Variants in THSD7A observed in about 807,000 individuals in gnomAD.
The protein encoded by THSD7A is thrombospondin type-1 domain-containing protein 7A.
THSD7A carries 96 observed loss-of-function variants against 231.3 expected under a neutral mutation model. The observed-to-expected ratio is 0.41, with a 90% confidence interval of 0.35 to 0.49. The LOEUF is 0.49. Among genes scored for constraint, THSD7A ranks in the 20% least tolerant of loss-of-function variants. THSD7A has a pLI of 0.05. For synonymous variants in THSD7A, 940 were observed against 743.3 expected (o/e 1.26, Z -4.30); for missense variants, 2,290 against 2,070.2 (o/e 1.11, Z -2.06).
intron 1 of THSD7A, among the ~76,000 whole-genome samples, chr7:11,641,670 C>G (rs1375612917): frequency 6.6e-6 from 1 of 150,466 alleles, no homozygotes; most frequent in South Asian, 2.1e-4. Context: ...AAAAGATCTA[C>G]TGAGGCTAAA....
chr7:11,707,833 T>C (rs1780820091), intron 1 of THSD7A, among the ~76,000 whole-genome samples: 1 of 150,982 alleles, frequency 6.6e-6, no homozygotes, highest in East Asian at 2.0e-4. Flanking sequence ...AAGAAGCTTA[T>C]ACAAACAAAC....
chr7:11,470,649 A>G (rs969023352), intron 8 of THSD7A, among the ~76,000 whole-genome samples: 1 of 151,650 alleles, frequency 6.6e-6, no homozygotes, highest in African/African-American at 2.4e-5. Flanking sequence ...CCTAGTTTTA[A>G]ATGATGGGAT....
At chr7:11,433,454 C>T (rs1784539854) in intron 13 of THSD7A, among the ~76,000 whole-genome samples, 1 of 151,990 alleles carries the variant, frequency 6.6e-6, no homozygotes, top group South Asian at 2.1e-4. Flanking sequence ...ATTTCCAAAT[C>T]AATGGCATTA....
Position 11,495,110 on chromosome 7 carries a change from T to C in THSD7A, c.1823-13128A>G, listed in dbSNP as rs114139574. On this transcript the variant is annotated intron_variant, in intron 6 of 27. Transcript: ENST00000423059. ...ACTTGACCTTTGATGCATTTCTTTT[T>C]TCAAACTTGTAGCTTGCTAAATTGC... Among the ~76,000 whole-genome samples the C allele has an allele frequency of 6.0e-3, 908 of 152,214 alleles. 8 individuals are homozygous for C. Among genetic ancestry groups the C allele is most frequent in the African/African-American group, 0.021 (869 of 41,568 alleles).
chr7:11,465,573 C>T (rs11979605), intron 9 of THSD7A, among the ~76,000 whole-genome samples: 15,786 of 151,418 alleles, frequency 0.1, 1,004 homozygotes, highest in African/African-American at 0.17. Flanking sequence ...GCAGGCAAAA[C>T]TGATTCATTA....
chr7:11,828,072 G>A (rs947503218), intron 1 of THSD7A, among the ~76,000 whole-genome samples: 7 of 152,096 alleles, frequency 4.6e-5, no homozygotes, highest in African/African-American at 9.7e-5. Context: ...AACGACTCAC[G>A]TCACTGGCCT....
At chr7:11,651,670 C>A (rs989634893) in intron 1 of THSD7A, among the ~76,000 whole-genome samples, 6 of 151,794 alleles carry the variant, frequency 4.0e-5, no homozygotes, top group African/African-American at 1.5e-4. Flanking sequence ...CTTTTAAACC[C>A]CTTAGACCTA....
At chr7:11,596,424 G>T (rs1780359191) in intron 2 of THSD7A, among the ~76,000 whole-genome samples, 1 of 152,032 alleles carries the variant, frequency 6.6e-6, no homozygotes, top group Non-Finnish European at 1.5e-5. Context: ...TGGTTCCCGG[G>T]ATTCATCCTG....
At chr7:11,468,240 G>C (rs973272096) in intron 9 of THSD7A, among the ~76,000 whole-genome samples, 4 of 151,988 alleles carry the variant, frequency 2.6e-5, no homozygotes, top group Non-Finnish European at 5.9e-5. Flanking sequence ...AACAAAATTT[G>C]TAAGTGTATT....
intron 1 of THSD7A, among the ~76,000 whole-genome samples, chr7:11,759,211 A>T (rs935796225): frequency 1.2e-4 from 18 of 152,234 alleles, no homozygotes; most frequent in African/African-American, 4.3e-4. Flanking sequence ...TTATACAACA[A>T]TAAATATAGC....
intron 9 of THSD7A, among the ~76,000 whole-genome samples, chr7:11,466,254 CCT>C (rs1785700093): frequency 6.6e-6 from 1 of 152,128 alleles, no homozygotes; most frequent in Admixed American, 6.5e-5. Flanking sequence ...GTTGCTATTA[CCT>C]CTCTTTGAAC....
At chr7:11,400,677 A>C (rs1783370220) in intron 23 of THSD7A, among the ~76,000 whole-genome samples, 1 of 152,242 alleles carries the variant, frequency 6.6e-6, no homozygotes, top group Non-Finnish European at 1.5e-5. Context: ...AGGAAGATCA[A>C]ATTGACAGAG....
chr7:11,778,463 C>T (rs1783510689), intron 1 of THSD7A, among the ~76,000 whole-genome samples: 1 of 151,874 alleles, frequency 6.6e-6, no homozygotes, highest in African/African-American at 2.4e-5. Context: ...GTTAATAGTG[C>T]CAACAGAAAT....
chr7:11,386,949 A>T (rs997105530), intron 23 of THSD7A, among the ~76,000 whole-genome samples: 2 of 152,116 alleles, frequency 1.3e-5, no homozygotes, highest in Non-Finnish European at 2.9e-5. Context: ...TTTTCCCGAC[A>T]CCATTTATTA....
chr7:11,541,394 A>C lies in THSD7A; in HGVS notation c.1822+25T>G, dbSNP rs747911500. ...ATATGCAGGGTTGGACATCCATAAA[A>C]ACATAATAGATACGTCTGTCTTACC... On this transcript the variant is annotated intron_variant, in intron 6 of 27. Coordinates refer to ENST00000423059, the MANE Select transcript of THSD7A (RefSeq NM_015204.3). The C allele has an allele frequency of 4.3e-6, 7 of 1,611,010 alleles. No homozygotes were observed. In the East Asian group the frequency reaches 1.3e-4, roughly 31 times the overall value.
At chr7:11,442,454 G>A (rs1478240251) in intron 13 of THSD7A, among the ~76,000 whole-genome samples, 4 of 152,048 alleles carry the variant, frequency 2.6e-5, no homozygotes, top group Admixed American at 6.6e-5. Context: ...GGGGATTATT[G>A]TCATTGCACT....
Position 11,634,213 on chromosome 7 carries a change from T to C in THSD7A, c.1022+1917A>G, listed in dbSNP as rs1781754023. On this transcript the variant is annotated intron_variant, in intron 2 of 27. Transcript: ENST00000423059. This position sits in a 1 kb window ranked among gnomAD's most constrained non-coding sequence, Gnocchi z 4.1. ...GTCAGAAAATATATGCAACTATCAA[T>C]TTATTGGAAGTTATATATGCTATTT... Among the ~76,000 whole-genome samples the C allele has an allele frequency of 6.6e-6, 1 of 152,184 alleles. No individual in the cohort carries two copies. The highest frequency in any genetic ancestry group is 2.4e-5 in the African/African-American group (1 of 41,458).
intron 6 of THSD7A, among the ~76,000 whole-genome samples, chr7:11,536,894 C>A (rs1432225977): frequency 6.6e-6 from 1 of 152,082 alleles, no homozygotes; most frequent in Admixed American, 6.6e-5. Context: ...CTCTGTCCCC[C>A]TTCACACTGT....
chr7:11,424,805 T>G lies in THSD7A; in HGVS notation c.3274A>C (p.Ser1092Arg). The change falls in exon 16 of 28, where the codon AGT becomes CGT. Residue 1092 changes from serine to arginine, a missense_variant. Transcript: ENST00000423059. Reference protein sequence around the residue: ...AQVYEVVPCHSDCNQYLWVTE... With the variant: ...AQVYEVVPCHRDCNQYLWVTE... ...ACCCATAGGTACTGGTTGCAGTCAC[T>G]GTGGCATGGGACAACCTCATACACC... 6.2e-7 allele frequency: 1 copy of G among 1,614,014 alleles called. No homozygotes were observed. The highest frequency in any genetic ancestry group is 8.5e-7 in the Non-Finnish European group (1 of 1,179,878).
Sources: gnomAD v4.1 joint callset for allele counts (sites outside exome capture counted in the v4.1 genomes callset) on GRCh38, gnomAD v4.1.1 for gene constraint, Gnocchi (gnomAD v3.1) non-coding constraint, MANE v1.5 for transcripts, NCBI Gene and HGNC (gene_info 2026-07-23, HGNC 2026-07-21) for gene names.